Variants in ZNF441 observed in about 807,000 individuals in gnomAD.
ZNF441 encodes the protein zinc finger protein 441.
In ZNF441, 25 loss-of-function variants were observed where a neutral mutation model predicts 64.5. That is an observed-to-expected ratio of 0.39 (90% CI 0.28 to 0.54). The LOEUF (loss-of-function observed/expected upper bound fraction) is 0.54, where lower values mean the gene tolerates loss of function less well. Among genes scored for constraint, ZNF441 ranks in the 20% least tolerant of loss-of-function variants. The probability of loss-of-function intolerance (pLI) is 0.70; values close to 1 mark genes in which losing one functional copy is unlikely to be tolerated. For synonymous variants in ZNF441, 262 were observed against 268.0 expected, an observed-to-expected ratio of 0.98 and a Z score of 0.22; for missense variants, 715 against 843.3, an observed-to-expected ratio of 0.85 and a Z score of 1.88.
chr19:11,772,093 C>T (rs1599268102), intron 1 of ZNF441, among the ~76,000 whole-genome samples: 3 of 152,302 alleles, frequency 2.0e-5, no homozygotes, highest in African/African-American at 7.2e-5. Context: ...CTCTCTGTCT[C>T]CTCTCCCTCT....
intron 1 of ZNF441, among the ~76,000 whole-genome samples, chr19:11,770,508 C>T (rs1333716537): frequency 6.6e-6 from 1 of 152,160 alleles, no homozygotes; most frequent in East Asian, 1.9e-4. Context: ...GTCATTTCTT[C>T]CATAAGTGTT....
In ZNF441 at chr19:11,779,527, C is replaced by T. The variant is rs916396953; in HGVS notation, c.195-492C>T. ...TTGGGAGGCTGAGGTGGGCAGATCA[C>T]GAGGTCAGGAGATCGAGACCATCCT... On this transcript the variant is annotated intron_variant, in intron 3 of 3. Transcript: ENST00000357901. Among the ~76,000 whole-genome samples, 11 of 151,684 alleles carry T rather than the reference C, an allele frequency of 7.3e-5. 1 individual carries two copies. Among genetic ancestry groups the T allele is most frequent in the African/African-American group, 2.2e-4 (9 of 41,350 alleles).
At chr19:11,778,753 C>T (rs1432820155) in intron 3 of ZNF441, among the ~76,000 whole-genome samples, 1 of 152,170 alleles carries the variant, frequency 6.6e-6, no homozygotes, top group Non-Finnish European at 1.5e-5. Context: ...CCACTGTGAC[C>T]AGCCCAAAAT....
chr19:11,776,798 A>G (rs1050200482), intron 1 of ZNF441, among the ~76,000 whole-genome samples: 2 of 149,548 alleles, frequency 1.3e-5, no homozygotes, highest in Admixed American at 1.4e-4. Flanking sequence ...CACAGTGACC[A>G]GAGTGTTTTT....
intron 1 of ZNF441, among the ~76,000 whole-genome samples, chr19:11,776,366 G>A (rs1238264019): frequency 6.6e-6 from 1 of 152,108 alleles, no homozygotes; most frequent in Non-Finnish European, 1.5e-5. Context: ...ATAGTACAGG[G>A]TACTGAATAT....
intron 3 of ZNF441, 42 bp downstream of exon 3, chr19:11,778,435 T>C (rs1229704028): frequency 1.0e-5 from 14 of 1,393,272 alleles, no homozygotes; most frequent in Admixed American, 2.6e-5. Context: ...CTTGAAGTGA[T>C]TCATAGTATG....
chr19:11,779,267 C>T (rs995961589), intron 3 of ZNF441, among the ~76,000 whole-genome samples: 3 of 150,350 alleles, frequency 2.0e-5, no homozygotes, highest in Admixed American at 1.3e-4. Flanking sequence ...CGCAGTAAGC[C>T]CTGTTCACAT....
chr19:11,767,066 C>G lies in ZNF441; in HGVS notation c.-128C>G, dbSNP rs992297503. 9.9e-6 allele frequency: 14 copies of G among 1,414,164 alleles called. No individual in the cohort carries two copies. The African/African-American group carries it at 1.6e-4, about 16-fold the overall frequency. 87.6% of individuals were successfully genotyped at this position (1,414,164 alleles called of 1,614,324 possible). On this transcript the variant is annotated 5_prime_UTR_variant, in exon 1 of 4. Coordinates refer to ENST00000357901, the MANE Select transcript of ZNF441 (RefSeq NM_152355.3). This position sits in a 1 kb window ranked among gnomAD's most constrained non-coding sequence, Gnocchi z 5.1. ...AGAGCCCGCCGAGTCTTCTCCACGC[C>G]CCTGCACTGGGCTCCGGGTTCTGTC... is the stretch of plus-strand genomic sequence containing the variant.
At chr19:11,772,777 C>T (rs951993724) in intron 1 of ZNF441, among the ~76,000 whole-genome samples, 31 of 152,044 alleles carry the variant, frequency 2.0e-4, no homozygotes, top group Non-Finnish European at 1.3e-4. Flanking sequence ...GTGGGAGTTC[C>T]AGCCACTCAG....
Position 11,781,613 on chromosome 19 carries a change from GATT to G in ZNF441, c.1792_1794del (p.Tyr598del), listed in dbSNP as rs1975404859. ...ATGTAAGATATGTGGGAAAGGCTTT[GATT>G]ATCCCAGTTCAGTGCAAAGACATGA... On this transcript the variant is annotated inframe_deletion, in exon 4 of 4. Transcript: ENST00000357901. 1 of 1,613,704 alleles carries G rather than the reference GATT, an allele frequency of 6.2e-7. No individual in the cohort carries two copies. The highest frequency in any genetic ancestry group is 1.1e-5 in the South Asian group (1 of 91,060).
At position 11,780,231 on chromosome 19, in the gene ZNF441, A is replaced by G. The variant is rs776222971; in HGVS notation, c.407A>G (p.Tyr136Cys). 3.7e-6 allele frequency: 6 copies of G among 1,614,240 alleles called. No individual in the cohort carries two copies. The South Asian group carries it at 4.4e-5, about 12-fold the overall frequency. ...SEHKPCEYQE[Y>C]GEKPYTHTQC... ...CACAAACCATGTGAGTATCAAGAAT[A>G]TGGAGAGAAGCCATATACACATACA... Residue 136 changes from tyrosine (Y) to cysteine (C), a missense_variant, in exon 4 of 4, where the codon TAT becomes TGT. Around this residue, in one of 2 missense-constraint regions of ZNF441, gnomAD observed 399 missense variants for 413.9 expected, o/e 0.96. Transcript: ENST00000357901.
At chr19:11,777,501 T>A (rs1975364518) in intron 1 of ZNF441, 110 bp from the exon 2 acceptor site, 2 of 1,297,998 alleles carry the variant, frequency 1.5e-6, no homozygotes, top group African/African-American at 3.0e-5. Context: ...TACCATGTTC[T>A]TGAATAAATG....
At position 11,781,673 on chromosome 19, in the gene ZNF441, TGCAAGGAATGTGGTAAA is replaced by T. The variant is rs1218038729; in HGVS notation, c.1852_1868del (p.Lys618LeufsTer21). 1 of 1,614,028 alleles carries T rather than the reference TGCAAGGAATGTGGTAAA, an allele frequency of 6.2e-7. No individual in the cohort carries two copies. On this transcript the variant is annotated frameshift_variant, in exon 4 of 4. Coordinates refer to ENST00000357901, the MANE Select transcript of ZNF441 (RefSeq NM_152355.3). LOFTEE classifies it high-confidence loss of function. ...TCACACTGGAGAGAAACCCTATGAATGCAAGGAATGTGGTAAAGCCTTCAGTCATTCAAGTTACTTAC... is the reference window on the plus strand; with the variant it reads ...TCACACTGGAGAGAAACCCTATGAATGCCTTCAGTCATTCAAGTTACTTAC...
chr19:11,772,785 C>T (rs930063510), intron 1 of ZNF441, among the ~76,000 whole-genome samples: 3 of 152,036 alleles, frequency 2.0e-5, no homozygotes, highest in South Asian at 2.1e-4. Context: ...TCCAGCCACT[C>T]AGGAAGCTGA....
In ZNF441 at chr19:11,777,672, G is replaced by A. The variant is rs779347922; in HGVS notation, c.65G>A (p.Gly22Asp). 35 of 1,613,670 alleles carry A rather than the reference G, an allele frequency of 2.2e-5. No homozygotes were observed. The highest frequency in any genetic ancestry group is 1.6e-4 in the Middle Eastern group (1 of 6,082). The change falls in exon 2 of 4, where the codon GGT (glycine) becomes GAT (aspartate). Residue 22 changes from glycine to aspartate, a missense_variant. Gly to Asp is a moderately conservative substitution (Grantham distance 94, BLOSUM62 -1). This residue lies in a region of ZNF441 where 399 missense variants were observed against 413.9 expected (regional missense o/e 0.96). Transcript: ENST00000357901. ...ACCTGTGAGGAGTGGGCTTTGCTGGGTCCATCACAGAAGAGTCTCTACAGA... is the reference window on the plus strand; with the variant it reads ...ACCTGTGAGGAGTGGGCTTTGCTGGATCCATCACAGAAGAGTCTCTACAGA... Reference protein sequence around the residue: ...NFTCEEWALLGPSQKSLYRDV... With the variant: ...NFTCEEWALLDPSQKSLYRDV...
Position 11,777,681 on chromosome 19 carries a change from A to G in ZNF441, c.74A>G (p.Gln25Arg). The G allele has an allele frequency of 6.2e-7, 1 of 1,613,714 alleles. No homozygotes were observed. Among genetic ancestry groups the G allele is most frequent in the East Asian group, 2.2e-5 (1 of 44,868 alleles). ...CEEWALLGPS[Q>R]KSLYRDVMQE... ...GAGTGGGCTTTGCTGGGTCCATCACAGAAGAGTCTCTACAGAGATGTGATG... is the reference window on the plus strand; with the variant it reads ...GAGTGGGCTTTGCTGGGTCCATCACGGAAGAGTCTCTACAGAGATGTGATG... The change falls in exon 2 of 4, where the codon CAG (glutamine) becomes CGG (arginine). Residue 25 changes from glutamine to arginine, a missense_variant. Transcript: ENST00000357901.
Position 11,781,934 on chromosome 19 carries a change from T to G in ZNF441, c.*28T>G. On this transcript the variant is annotated 3_prime_UTR_variant, in exon 4 of 4. Coordinates refer to ENST00000357901, the MANE Select transcript of ZNF441 (RefSeq NM_152355.3). ...AAAACCCCTATGAGTGTTGAACATG[T>G]GAGAAAGCCTTAAGTACTTTCAGCT... 1 of 1,513,542 alleles carries G rather than the reference T, an allele frequency of 6.6e-7. No individual in the cohort carries two copies. Among genetic ancestry groups the G allele is most frequent in the Non-Finnish European group, 8.9e-7 (1 of 1,127,922 alleles). The allele number at this position is 1,513,542 out of a possible 1,614,324, so 93.8% of individuals were successfully genotyped here.
chr19:11,780,291 T>G lies in ZNF441; in HGVS notation c.467T>G (p.Phe156Cys). Residue 156 changes from phenylalanine to cysteine, a missense_variant, in exon 4 of 4, where the codon TTT becomes TGT. Phe to Cys is a radical substitution (Grantham distance 205). Coordinates refer to ENST00000357901, the MANE Select transcript of ZNF441 (RefSeq NM_152355.3). ...CGTAFSYQPC[F>C]QIHERPQHGK... is the part of the protein sequence containing the mutation. Reference sequence around the variant, plus strand: ...ACAGCTTTCAGTTATCAGCCCTGCTTTCAAATACATGAAAGACCTCAGCAT... The same window carrying G: ...ACAGCTTTCAGTTATCAGCCCTGCTGTCAAATACATGAAAGACCTCAGCAT... 2 of 1,614,196 alleles carry G rather than the reference T, an allele frequency of 1.2e-6. No homozygotes were observed. The highest frequency in any genetic ancestry group is 1.7e-6 in the Non-Finnish European group (2 of 1,180,046).
chr19:11,774,261 A>G (rs1975337823), intron 1 of ZNF441, among the ~76,000 whole-genome samples: 1 of 152,122 alleles, frequency 6.6e-6, no homozygotes, highest in Admixed American at 6.5e-5. Flanking sequence ...TGTTGAACAA[A>G]CCTGTATCTA....
Sources: allele counts gnomAD v4.1 joint callset (sites outside exome capture counted in the v4.1 genomes callset), GRCh38; gene constraint gnomAD v4.1.1; regional missense constraint gnomAD v4.1.1; non-coding constraint Gnocchi (gnomAD v3.1); transcripts MANE v1.5; gene names NCBI Gene and HGNC (gene_info 2026-07-23, HGNC 2026-07-21).